The following NPFFR2 variants were observed in gnomAD, a reference collection of about 807,000 sequenced individuals.
NPFFR2 encodes the protein G-protein coupled receptor 74.
A neutral mutation model predicts 13.1 loss-of-function variants in NPFFR2; 15 were observed. The observed-to-expected ratio is 1.15, with a 90% CI of 0.77 to 1.76. The LOEUF is 1.76. Among genes scored for constraint, NPFFR2 ranks in the 40% most tolerant of loss-of-function variants. NPFFR2 has a pLI of 0.00. For missense variants in NPFFR2, 572 were observed against 503.5 expected, an observed-to-expected ratio of 1.14 and a Z score of -1.30; for synonymous variants, 190 against 175.7, an observed-to-expected ratio of 1.08 and a Z score of -0.65.
intron 1 of NPFFR2, among the ~76,000 whole-genome samples, chr4:72,088,635 G>A (rs1720831703): frequency 6.6e-6 from 1 of 152,000 alleles, no homozygotes; most frequent in Non-Finnish European, 1.5e-5. Context: ...CTTACCAATA[G>A]TGGCAGAAGG....
At chr4:72,127,564 C>T (rs1307285553) in intron 1 of NPFFR2, among the ~76,000 whole-genome samples, 33 of 140,400 alleles carry the variant, frequency 2.4e-4, no homozygotes, top group East Asian at 6.7e-4. Context: ...GGGGTTTCAC[C>T]GTGTTAGCCA....
intron 1 of NPFFR2, among the ~76,000 whole-genome samples, chr4:72,114,164 TC>T (rs1721646477): frequency 6.6e-6 from 1 of 151,990 alleles, no homozygotes; most frequent in Admixed American, 6.6e-5. Flanking sequence ...TCCTTCCTGT[TC>T]AAAAAAGTGT....
intron 1 of NPFFR2, among the ~76,000 whole-genome samples, chr4:72,089,812 T>A (rs1159489793): frequency 6.6e-6 from 1 of 152,084 alleles, no homozygotes; most frequent in Non-Finnish European, 1.5e-5. Context: ...GTGCAGAAGT[T>A]TTTTTACTTT....
chr4:72,097,527 T>G (rs567232877), intron 1 of NPFFR2, among the ~76,000 whole-genome samples: 1 of 152,160 alleles, frequency 6.6e-6, no homozygotes, highest in African/African-American at 2.4e-5. Flanking sequence ...CCTTAAAATA[T>G]GGACTTTATA....
At position 72,067,617 on chromosome 4, in the gene NPFFR2, CCTT is replaced by C. The variant is rs567765451; in HGVS notation, c.-8+35422_-8+35424del. On this transcript the variant is annotated intron_variant, in intron 1 of 3. Coordinates refer to ENST00000308744, the MANE Select transcript of NPFFR2 (RefSeq NM_004885.3). The stretch of plus-strand genomic sequence containing the variant: ...TTTACTTTTGTTTTAACTATAAATT[CCTT>C]CTTCAGTTTTTTTTCTCTCTTCTCA... Among the ~76,000 whole-genome samples, 443 of 44,890 alleles carry C rather than the reference CCTT, an allele frequency of 9.9e-3. 4 individuals carry two copies. The highest frequency in any genetic ancestry group is 0.016 in the African/African-American group (419 of 26,818). The allele number at this position is 44,890 out of a possible 152,430, so 29.4% of individuals were successfully genotyped here.
intron 1 of NPFFR2, among the ~76,000 whole-genome samples, chr4:72,038,661 A>G (rs1719108748): frequency 6.6e-6 from 1 of 152,128 alleles, no homozygotes; most frequent in Non-Finnish European, 1.5e-5. Context: ...TAGTATCTGT[A>G]TATGTTGATT....
At chr4:72,146,876 G>T in intron 3 of NPFFR2, 102 bp from the exon 4 acceptor site, 1 of 744,574 alleles carries the variant, frequency 1.3e-6, no homozygotes. Context: ...TTTTTGAGGA[G>T]ACTGTAGGGT....
At chr4:72,069,421 T>C (rs1248372453) in intron 1 of NPFFR2, among the ~76,000 whole-genome samples, 1 of 152,046 alleles carries the variant, frequency 6.6e-6, no homozygotes, top group Non-Finnish European at 1.5e-5. Flanking sequence ...CTAAATAAAA[T>C]ATAAATTTAA....
chr4:72,070,574 G>GTGTGTGTGTGT (rs1375276375), intron 1 of NPFFR2, among the ~76,000 whole-genome samples: 7 of 2,592 alleles, frequency 2.7e-3, no homozygotes, highest in South Asian at 0.013. Flanking sequence ...GGGGGGGGGT[G>GTGTGTGTGTGT]GGGCTCTGGT....
chr4:72,105,894 A>AT (rs1484693704), intron 1 of NPFFR2, among the ~76,000 whole-genome samples: 1 of 152,080 alleles, frequency 6.6e-6, no homozygotes, highest in African/African-American at 2.4e-5. Flanking sequence ...ACAGGATGTT[A>AT]TAACACTATC....
intron 1 of NPFFR2, among the ~76,000 whole-genome samples, chr4:72,048,954 C>T (rs989786812): frequency 6.6e-6 from 1 of 151,770 alleles, no homozygotes; most frequent in Non-Finnish European, 1.5e-5. Context: ...TGTCATCTAC[C>T]CTAGTTCACA....
chr4:72,052,484 T>A (rs1719615209), intron 1 of NPFFR2, among the ~76,000 whole-genome samples: 1 of 151,942 alleles, frequency 6.6e-6, no homozygotes, highest in East Asian at 1.9e-4. Flanking sequence ...TAGGTATTGA[T>A]GGGAAGTATC....
At chr4:72,127,565 G>T (rs557248274) in intron 1 of NPFFR2, among the ~76,000 whole-genome samples, 1 of 138,450 alleles carries the variant, frequency 7.2e-6, no homozygotes, top group Non-Finnish European at 1.6e-5. Context: ...GGGTTTCACC[G>T]TGTTAGCCAG....
rs148412415 is a variant in NPFFR2 at position 72,038,149 on chromosome 4, C to A, written c.-8+5949C>A. On this transcript the variant is annotated intron_variant, in intron 1 of 3. Transcript: ENST00000308744. The stretch of plus-strand genomic sequence containing the variant: ...CGTGATGCTCTCCCTGCCTGGGAAT[C>A]GTGAGTCTCAGAGCTGCAGGGAAGG... 1.8e-3 allele frequency among the ~76,000 whole-genome samples: 276 copies of A among 152,206 alleles called. 1 individual carries two copies. The highest frequency in any genetic ancestry group is 6.3e-3 in the African/African-American group (260 of 41,526).
chr4:72,071,877 T>C (rs895408208), intron 1 of NPFFR2, among the ~76,000 whole-genome samples: 5 of 152,158 alleles, frequency 3.3e-5, no homozygotes, highest in African/African-American at 1.2e-4. Flanking sequence ...TTCATTTTTC[T>C]CTTTTTCCAC....
intron 1 of NPFFR2, among the ~76,000 whole-genome samples, chr4:72,063,323 G>A (rs1344787997): frequency 6.6e-6 from 1 of 152,108 alleles, no homozygotes; most frequent in Non-Finnish European, 1.5e-5. Flanking sequence ...CAAATCAGAA[G>A]CAATTATTCA....
chr4:72,074,346 TTCA>T (rs1348252042), intron 1 of NPFFR2, among the ~76,000 whole-genome samples: 9 of 152,050 alleles, frequency 5.9e-5, no homozygotes, highest in African/African-American at 2.2e-4. Context: ...GTCATCTCAC[TTCA>T]TCACAAGAAG....
intron 1 of NPFFR2, among the ~76,000 whole-genome samples, chr4:72,108,980 C>G (rs1318621094): frequency 2.6e-5 from 4 of 151,984 alleles, no homozygotes; most frequent in Admixed American, 2.6e-4. Flanking sequence ...CTAGTTTTCA[C>G]TTACTTATAT....
In NPFFR2 at chr4:72,147,675, T is replaced by A; in HGVS notation, c.1126T>A (p.Ser376Thr). The change falls in exon 4 of 4, where the codon TCT (serine) becomes ACT (threonine). Residue 376 changes from serine (S) to threonine (T), a missense_variant. Coordinates refer to ENST00000308744, the MANE Select transcript of NPFFR2 (RefSeq NM_004885.3). Reference protein sequence around the residue: ...KAKSHVLINTSNQLVQESTFQ... With the variant: ...KAKSHVLINTTNQLVQESTFQ... ...TAAAAGCCATGTGCTCATAAACACATCTAATCAGCTTGTCCAGGAATCTAC... is the reference window on the plus strand; with the variant it reads ...TAAAAGCCATGTGCTCATAAACACAACTAATCAGCTTGTCCAGGAATCTAC... 1 of 1,614,102 alleles carries A rather than the reference T, an allele frequency of 6.2e-7. No homozygotes were observed. Among genetic ancestry groups the A allele is most frequent in the Non-Finnish European group, 8.5e-7 (1 of 1,180,020 alleles).
Sources: allele counts gnomAD v4.1 joint callset (sites outside exome capture counted in the v4.1 genomes callset), GRCh38; gene constraint gnomAD v4.1.1; transcripts MANE v1.5; gene names NCBI Gene and HGNC (gene_info 2026-07-23, HGNC 2026-07-21).